Variants in ZFHX3 observed in about 807,000 individuals in gnomAD.
The protein encoded by ZFHX3 is zinc finger homeobox protein 3.
ZFHX3 carries 42 observed loss-of-function variants against 279.1 expected under a neutral mutation model. The ratio of observed to expected loss-of-function variants is 0.15; its 90% CI spans 0.12 to 0.19. The LOEUF (loss-of-function observed/expected upper bound fraction) is 0.19, where lower values mean the gene tolerates loss of function less well. Ranked by LOEUF, ZFHX3 falls within the 10% of genes least tolerant of loss-of-function variation. ZFHX3 has a pLI of 1.00. For synonymous variants in ZFHX3, 2,293 were observed against 1,957.8 expected, an observed-to-expected ratio of 1.17 and a Z score of -4.52; for missense variants, 4,981 against 4,754.0, an observed-to-expected ratio of 1.05 and a Z score of -1.40.
At chr16:73,402,083 C>T (rs1022881599) in intron 3 of ZFHX3, 1 of 152,226 alleles carries the variant, frequency 6.6e-6, no homozygotes, top group African/African-American at 2.4e-5. Flanking sequence ...TATTTCAAAG[C>T]AGAATCTTTG....
At chr16:73,155,180 CA>C (rs780941621) in intron 5 of ZFHX3, among the ~76,000 whole-genome samples, 1,410 of 105,192 alleles carry the variant, frequency 0.013, 12 homozygotes, top group African/African-American at 0.047. Flanking sequence ...CTCAAAAAAA[CA>C]AAAAAAAAAA....
intron 3 of ZFHX3, among the ~76,000 whole-genome samples, chr16:72,895,407 CAA>C (rs1168819148): frequency 1.3e-5 from 2 of 152,116 alleles, no homozygotes; most frequent in African/African-American, 2.4e-5. Context: ...CCTAGCTAAC[CAA>C]AAAAGAGTGA....
chr16:72,934,540 T>A (rs1222728089), intron 3 of ZFHX3, among the ~76,000 whole-genome samples: 1 of 152,232 alleles, frequency 6.6e-6, no homozygotes, highest in Non-Finnish European at 1.5e-5. Context: ...TCTGCCTTTG[T>A]CCTCTGTCTA....
At chr16:73,616,700 G>T (rs2052306022) in intron 2 of ZFHX3, among the ~76,000 whole-genome samples, 1 of 152,078 alleles carries the variant, frequency 6.6e-6, no homozygotes, top group Admixed American at 6.5e-5. Flanking sequence ...AATGGGAAAA[G>T]AAATCTTGGA....
At chr16:73,012,147 G>A (rs570356743) in intron 1 of ZFHX3, among the ~76,000 whole-genome samples, 2 of 152,318 alleles carry the variant, frequency 1.3e-5, no homozygotes, top group African/African-American at 4.8e-5. Context: ...TGCCAACTGA[G>A]AACTTGATCT....
intron 1 of ZFHX3, among the ~76,000 whole-genome samples, chr16:73,849,792 G>T (rs1053580139): frequency 6.6e-6 from 1 of 152,196 alleles, no homozygotes; most frequent in African/African-American, 2.4e-5. Context: ...GAGTACGATG[G>T]CGTGATCTCA....
intron 4 of ZFHX3, among the ~76,000 whole-genome samples, chr16:72,860,930 T>C (rs1258288602): frequency 6.6e-6 from 1 of 152,334 alleles, no homozygotes; most frequent in East Asian, 1.9e-4. Flanking sequence ...ATTTATTTTT[T>C]GTGTGCACAA....
intron 1 of ZFHX3, among the ~76,000 whole-genome samples, chr16:73,753,936 T>G (rs927986593): frequency 6.6e-6 from 1 of 151,568 alleles, no homozygotes; most frequent in Non-Finnish European, 1.5e-5. Context: ...TGTTGTGTCT[T>G]TATAGACTAT....
intron 2 of ZFHX3, among the ~76,000 whole-genome samples, chr16:73,629,739 A>C (rs1292491494): frequency 2.0e-5 from 3 of 152,172 alleles, no homozygotes; most frequent in Non-Finnish European, 2.9e-5. Context: ...AAAGAGATGA[A>C]TTTAAGGCAC....
intron 5 of ZFHX3, among the ~76,000 whole-genome samples, chr16:73,230,171 A>G (rs1321787874): frequency 1.3e-5 from 2 of 152,226 alleles, no homozygotes; most frequent in Non-Finnish European, 2.9e-5. Flanking sequence ...TAGTTGATAT[A>G]TAAATGAATA....
chr16:73,241,304 G>GC (rs2013114065), intron 5 of ZFHX3, among the ~76,000 whole-genome samples: 1 of 148,360 alleles, frequency 6.7e-6, no homozygotes, highest in Non-Finnish European at 1.5e-5. Context: ...ACTCATTTTT[G>GC]CTTTTTGCTT....
chr16:72,939,409 C>T (rs1960298800), intron 3 of ZFHX3, among the ~76,000 whole-genome samples: 1 of 152,198 alleles, frequency 6.6e-6, no homozygotes, highest in Admixed American at 6.5e-5. Context: ...TGTTCTAAAG[C>T]TAGATGGAGC....
chr16:73,665,278 A>C (rs991698267), intron 2 of ZFHX3, among the ~76,000 whole-genome samples: 1 of 146,768 alleles, frequency 6.8e-6, no homozygotes, highest in African/African-American at 2.5e-5. Flanking sequence ...CACTGGTGCC[A>C]TCCTGGCTCA....
intron 4 of ZFHX3, among the ~76,000 whole-genome samples, chr16:73,276,463 G>A (rs1466328068): frequency 6.6e-6 from 1 of 152,034 alleles, no homozygotes; most frequent in Admixed American, 6.5e-5. Context: ...GGATTTACAG[G>A]TGTGAGCCAC....
At chr16:73,684,557 C>T (rs2142199903) in intron 1 of ZFHX3, among the ~76,000 whole-genome samples, 1 of 152,200 alleles carries the variant, frequency 6.6e-6, no homozygotes, top group Non-Finnish European at 1.5e-5. Context: ...TCCTACTGCT[C>T]AAAACCCACA....
At chr16:73,457,183 T>C (rs1305740018) in intron 2 of ZFHX3, among the ~76,000 whole-genome samples, 2 of 152,134 alleles carry the variant, frequency 1.3e-5, no homozygotes, top group African/African-American at 4.8e-5. Context: ...AGAATTTTTA[T>C]AGAGGAAAGT....
At chr16:72,916,289 C>T (rs139588275) in intron 3 of ZFHX3, among the ~76,000 whole-genome samples, 7 of 152,144 alleles carry the variant, frequency 4.6e-5, no homozygotes, top group African/African-American at 1.7e-4. Flanking sequence ...TTTTGTATCT[C>T]ATGATATGCT....
chr16:73,721,215 G>A (rs1034942065), intron 1 of ZFHX3, among the ~76,000 whole-genome samples: 1 of 151,922 alleles, frequency 6.6e-6, no homozygotes, highest in Non-Finnish European at 1.5e-5. Context: ...TCCGCCTCCC[G>A]GGTTCAAGCG....
intron 1 of ZFHX3, among the ~76,000 whole-genome samples, chr16:73,733,221 C>G (rs1174865714): frequency 6.6e-6 from 1 of 152,076 alleles, no homozygotes; most frequent in Non-Finnish European, 1.5e-5. Context: ...ATATCACTGA[C>G]TATAGGAAAA....
Sources: gnomAD v4.1 joint callset for allele counts (sites outside exome capture counted in the v4.1 genomes callset) on GRCh38, gnomAD v4.1.1 for gene constraint, MANE v1.5 for transcripts, NCBI Gene and HGNC (gene_info 2026-07-23, HGNC 2026-07-21) for gene names.